RYR3: variants seen among roughly 807,000 people sequenced by gnomAD.
RYR3 encodes the protein ryanodine receptor 3.
RYR3 carries 207 observed loss-of-function variants against 584.3 expected under a neutral mutation model. The observed-to-expected ratio is 0.35, with a 90% CI of 0.32 to 0.40. The LOEUF is 0.40. Among genes scored for constraint, RYR3 ranks in the 10% least tolerant of loss-of-function variants. The pLI, the probability that RYR3 is intolerant of heterozygous loss-of-function variation, is 1.00. For synonymous variants in RYR3, 2,416 were observed against 2,248.5 expected (o/e 1.07, Z -2.11); for missense variants, 5,616 against 6,089.2 (o/e 0.92, Z 2.59).
chr15:33,835,185 G>T, intron 87 of RYR3, 113 bp downstream of exon 87: 2 of 787,110 alleles, frequency 2.5e-6, no homozygotes, highest in Non-Finnish European at 4.1e-6. Flanking sequence ...GACAAGCCAT[G>T]CATATTAGGT....
At chr15:33,533,629 C>A (rs2055066493) in intron 5 of RYR3, among the ~76,000 whole-genome samples, 1 of 152,260 alleles carries the variant, frequency 6.6e-6, no homozygotes. Context: ...CAAAGAAAAA[C>A]AAATCTTTAA....
At chr15:33,615,719 C>T (rs2060415363) in intron 19 of RYR3, among the ~76,000 whole-genome samples, 1 of 152,150 alleles carries the variant, frequency 6.6e-6, no homozygotes, top group Non-Finnish European at 1.5e-5. Flanking sequence ...CCCAATTCTT[C>T]CTTTTTAAAT....
In RYR3 at chr15:33,854,775, T is replaced by G. The variant is rs200353910; in HGVS notation, c.13870T>G (p.Tyr4624Asp). ...GVVFTDNSFL[Y>D]LAWYTTMSVL... ...TTTCTTCCATTCCCAGTCCTTTCTCTACCTTGCCTGGTATACAACCATGTC... is the reference window on the plus strand; with the variant it reads ...TTTCTTCCATTCCCAGTCCTTTCTCGACCTTGCCTGGTATACAACCATGTC... The change falls in exon 98 of 104, where the codon TAC becomes GAC. Residue 4624 changes from tyrosine (Y) to aspartate (D), a missense_variant. Tyr to Asp is a radical substitution (Grantham distance 160). Around this residue, in one of 9 missense-constraint regions of RYR3, gnomAD observed 918 missense variants for 887.4 expected, o/e 1.03. Transcript: ENST00000634891. The G allele has an allele frequency of 6.2e-7, 1 of 1,607,386 alleles. No individual in the cohort carries two copies. The highest frequency in any genetic ancestry group is 8.5e-7 in the Non-Finnish European group (1 of 1,178,018).
intron 86 of RYR3, among the ~76,000 whole-genome samples, chr15:33,834,398 C>T (rs1355900761): frequency 6.6e-6 from 1 of 151,532 alleles, no homozygotes; most frequent in African/African-American, 2.4e-5. Flanking sequence ...GTCAGAGATG[C>T]TATTATATAT....
chr15:33,844,195 T>C (rs553590304), intron 92 of RYR3, among the ~76,000 whole-genome samples: 7 of 152,212 alleles, frequency 4.6e-5, no homozygotes, highest in Admixed American at 3.9e-4. Flanking sequence ...CATTGTTTTA[T>C]CCACCTCAAC....
intron 74 of RYR3, among the ~76,000 whole-genome samples, chr15:33,816,511 A>G (rs941798783): frequency 2.0e-5 from 3 of 152,228 alleles, no homozygotes; most frequent in African/African-American, 4.8e-5. Flanking sequence ...GAATACCTAA[A>G]TTGCCATATG....
rs1198233273 is a variant in RYR3 at position 33,649,118 on chromosome 15, G to T, written c.4025G>T (p.Cys1342Phe). ...ATCTTTGCTGGACAGGATCCATCCT[G>T]TGTCTGGGTCGGATGGGTGACTCCA... ...IRIFAGQDPS[C>F]VWVGWVTPDY... The change falls in exon 31 of 104, where the codon TGT becomes TTT. Residue 1342 changes from cysteine (C) to phenylalanine (F), a missense_variant. Coordinates refer to ENST00000634891, the MANE Select transcript of RYR3 (RefSeq NM_001036.6). The T allele has an allele frequency of 1.2e-6, 2 of 1,613,694 alleles. No homozygotes were observed. Among genetic ancestry groups the T allele is most frequent in the Non-Finnish European group, 1.7e-6 (2 of 1,179,884 alleles).
At chr15:33,528,143 C>T (rs1436270418) in intron 3 of RYR3, among the ~76,000 whole-genome samples, 4 of 152,224 alleles carry the variant, frequency 2.6e-5, no homozygotes, top group East Asian at 1.9e-4. Flanking sequence ...GGTTCCCTTT[C>T]TAAGGTACAA....
At chr15:33,462,012 T>C (rs1291733966) in intron 1 of RYR3, among the ~76,000 whole-genome samples, 1 of 152,206 alleles carries the variant, frequency 6.6e-6, no homozygotes, top group East Asian at 1.9e-4. Flanking sequence ...ACCGTAGTTT[T>C]ATGTTTTTTG....
chr15:33,733,782 T>G (rs1213966764), intron 48 of RYR3, among the ~76,000 whole-genome samples: 1 of 152,200 alleles, frequency 6.6e-6, no homozygotes, highest in Non-Finnish European at 1.5e-5. Context: ...GTCACAAATG[T>G]GCCACTGGTG....
At chr15:33,771,820 G>T in intron 62 of RYR3, 100 bp from the exon 63 acceptor site, 1 of 743,414 alleles carries the variant, frequency 1.3e-6, no homozygotes, top group South Asian at 1.7e-5. Context: ...TGAGTGACAG[G>T]AGTGGCAAAT....
At position 33,639,739 on chromosome 15, in the gene RYR3, C is replaced by T. The variant is rs540570050; in HGVS notation, c.3556+3189C>T. On this transcript the variant is annotated intron_variant, in intron 27 of 103. Transcript: ENST00000634891. ...GCTGTTTTTACCTCTGGCTTACTTACAAGTTGTCATTTCCATCCTCTTATG... is the reference window on the plus strand; with the variant it reads ...GCTGTTTTTACCTCTGGCTTACTTATAAGTTGTCATTTCCATCCTCTTATG... Among the ~76,000 whole-genome samples the T allele has an allele frequency of 1.0e-3, 152 of 152,288 alleles. 1 individual carries two copies. Among genetic ancestry groups the T allele is most frequent in the African/African-American group, 3.6e-3 (149 of 41,548 alleles).
At chr15:33,780,953 A>G (rs2074345127) in intron 65 of RYR3, among the ~76,000 whole-genome samples, 1 of 152,196 alleles carries the variant, frequency 6.6e-6, no homozygotes, top group Admixed American at 6.5e-5. Flanking sequence ...ATAAAGTTTT[A>G]TTTGAACACA....
intron 1 of RYR3, among the ~76,000 whole-genome samples, chr15:33,348,412 T>A (rs1483812445): frequency 6.6e-6 from 1 of 152,226 alleles, no homozygotes; most frequent in Non-Finnish European, 1.5e-5. Context: ...GTAATACAGT[T>A]AGATTCTCCT....
intron 18 of RYR3, among the ~76,000 whole-genome samples, chr15:33,604,696 T>C (rs1165283015): frequency 1.3e-5 from 2 of 152,174 alleles, no homozygotes; most frequent in Admixed American, 6.5e-5. Flanking sequence ...AACTTAACCT[T>C]CCCTAATTCT....
chr15:33,380,242 G>A (rs1412560814), intron 1 of RYR3, among the ~76,000 whole-genome samples: 2 of 152,056 alleles, frequency 1.3e-5, no homozygotes, highest in African/African-American at 4.8e-5. Context: ...AACTCTGTCC[G>A]ATTTCTAAAT....
At chr15:33,763,892 C>CAAAAACAA (rs1555447212) in intron 60 of RYR3, among the ~76,000 whole-genome samples, 504 of 45,864 alleles carry the variant, frequency 0.011, 17 homozygotes, top group African/African-American at 0.044. Context: ...GACTTCATCT[C>CAAAAACAA]AAAAAAAAAA....
intron 27 of RYR3, among the ~76,000 whole-genome samples, chr15:33,643,840 T>C (rs946451200): frequency 2.0e-5 from 3 of 152,146 alleles, no homozygotes; most frequent in Non-Finnish European, 4.4e-5. Flanking sequence ...CAAGATAACA[T>C]ATTCATCATC....
At chr15:33,646,804 G>C (rs554375466) in intron 29 of RYR3, among the ~76,000 whole-genome samples, 1 of 152,166 alleles carries the variant, frequency 6.6e-6, no homozygotes, top group East Asian at 1.9e-4. Flanking sequence ...TACCTTCCTT[G>C]CTGCCCACAA....
Sources: allele counts gnomAD v4.1 joint callset (sites outside exome capture counted in the v4.1 genomes callset), GRCh38; gene constraint gnomAD v4.1.1; regional missense constraint gnomAD v4.1.1; transcripts MANE v1.5; gene names NCBI Gene and HGNC (gene_info 2026-07-23, HGNC 2026-07-21).